TNFRSF10A: variants seen among roughly 807,000 people sequenced by gnomAD.
The protein encoded by TNFRSF10A is TNF receptor superfamily member 10a, also known as tumor necrosis factor receptor superfamily member 10A.
In TNFRSF10A, 44 loss-of-function variants were observed where a neutral mutation model predicts 42.8. The ratio of observed to expected loss-of-function variants is 1.03; its 90% CI spans 0.81 to 1.32. The LOEUF (loss-of-function observed/expected upper bound fraction) is 1.32. TNFRSF10A is among the 40% of genes most tolerant of loss of function. The pLI is 0.00. For missense variants in TNFRSF10A, 680 were observed against 602.0 expected, an observed-to-expected ratio of 1.13 and a Z score of -1.36; for synonymous variants, 259 against 234.2, an observed-to-expected ratio of 1.11 and a Z score of -0.97.
intron 2 of TNFRSF10A, among the ~76,000 whole-genome samples, chr8:23,209,896 G>A (rs1273796801): frequency 6.6e-6 from 1 of 152,180 alleles, no homozygotes; most frequent in Non-Finnish European, 1.5e-5. Context: ...ATGAGATGTG[G>A]GAGGGGCCAG....
At position 23,200,732 on chromosome 8, in the gene TNFRSF10A, C is replaced by T; in HGVS notation, c.658G>A (p.Asp220Asn). The change falls in exon 5 of 10, where the codon GAT (aspartate) becomes AAT (asparagine). Residue 220 changes from aspartate (D) to asparagine (N), a missense_variant. Transcript: ENST00000221132. Reference sequence around the variant, plus strand: ...TCGATGTCACTCCAGGGCGTACAATCCTTGACCTTGACCATCCCTCTGGGG... The same window carrying T: ...TCGATGTCACTCCAGGGCGTACAATTCTTGACCTTGACCATCCCTCTGGGG... ...GCPRGMVKVKDCTPWSDIECV... is the reference protein window; with the variant it reads ...GCPRGMVKVKNCTPWSDIECV... The T allele has an allele frequency of 6.2e-7, 1 of 1,613,746 alleles. No individual in the cohort carries two copies.
chr8:23,208,840 T>C (rs940652928), intron 2 of TNFRSF10A, among the ~76,000 whole-genome samples: 5 of 152,200 alleles, frequency 3.3e-5, no homozygotes, highest in Non-Finnish European at 5.9e-5. Context: ...AAACCCATTT[T>C]CTGAGGAGAA....
At chr8:23,199,029 A>G (rs190685004) in intron 8 of TNFRSF10A, among the ~76,000 whole-genome samples, 10 of 152,096 alleles carry the variant, frequency 6.6e-5, no homozygotes, top group African/African-American at 2.4e-4. Context: ...TGTGACCCCC[A>G]CTCTATTCCT....
chr8:23,199,508 A>G (rs1236974196), intron 7 of TNFRSF10A, 60 bp from the exon 8 acceptor site: 2 of 1,577,590 alleles, frequency 1.3e-6, no homozygotes, highest in South Asian at 1.1e-5. Flanking sequence ...CGGGGTCCGT[A>G]GGGCACGGCT....
intron 1 of TNFRSF10A, among the ~76,000 whole-genome samples, chr8:23,219,848 C>G (rs1342312476): frequency 2.0e-5 from 3 of 152,218 alleles, no homozygotes; most frequent in Non-Finnish European, 2.9e-5. Flanking sequence ...CCAACAAACT[C>G]CAATGACTTA....
At chr8:23,209,435 C>G (rs1801063007) in intron 2 of TNFRSF10A, among the ~76,000 whole-genome samples, 1 of 152,210 alleles carries the variant, frequency 6.6e-6, no homozygotes. Flanking sequence ...CACCGTGCAC[C>G]TAGAAAAGCT....
intron 1 of TNFRSF10A, among the ~76,000 whole-genome samples, chr8:23,216,666 C>A (rs1188770978): frequency 3.3e-5 from 5 of 151,224 alleles, no homozygotes; most frequent in African/African-American, 1.2e-4. Context: ...CACTTGAACC[C>A]GGGAGGCAGA....
In TNFRSF10A at chr8:23,202,612, C is replaced by G. The variant is rs757095291; in HGVS notation, c.517+36G>C. ...ACCACTCCCACCTCACTGCCCCTCA[C>G]TCCACCTCTGGACAAGAGGTCCACA... is the stretch of plus-strand genomic sequence containing the variant. On this transcript the variant is annotated intron_variant, in intron 3 of 9. Coordinates refer to ENST00000221132, the MANE Select transcript of TNFRSF10A (RefSeq NM_003844.4). 11 of 1,568,690 alleles carry G rather than the reference C, an allele frequency of 7.0e-6. No homozygotes were observed. The African/African-American group carries it at 1.5e-4, about 21-fold the overall frequency.
At chr8:23,207,287 C>A (rs1373041857) in intron 2 of TNFRSF10A, 1 of 600,940 alleles carries the variant, frequency 1.7e-6, no homozygotes, top group African/African-American at 1.8e-5. Context: ...CTGATTAGGC[C>A]TGATGGAGAG....
chr8:23,197,723 G>A (rs1800845318), intron 8 of TNFRSF10A, among the ~76,000 whole-genome samples: 1 of 152,142 alleles, frequency 6.6e-6, no homozygotes, highest in East Asian at 1.9e-4. Flanking sequence ...TAGAAAAATT[G>A]TCTTCCACAA....
chr8:23,200,324 C>G (rs11987461), intron 6 of TNFRSF10A, among the ~76,000 whole-genome samples, 181 bp downstream of exon 6: 2 of 151,982 alleles, frequency 1.3e-5, no homozygotes, highest in Non-Finnish European at 2.9e-5. Flanking sequence ...GGGAGAGGGA[C>G]GGATGACACC....
At chr8:23,207,220 A>G in intron 2 of TNFRSF10A, 1 of 598,842 alleles carries the variant, frequency 1.7e-6, no homozygotes, top group Non-Finnish European at 3.2e-6. Flanking sequence ...AACAAGCACC[A>G]GATCAAACAG....
Position 23,201,886 on chromosome 8 carries a change from C to CTGGTCG in TNFRSF10A, c.545_550dup (p.Thr182_Thr183dup). ...TGGTTTGCACTGACATGCTGTGTTC[C>CTGGTCG]TGGTCGTGGTGCAGGGACTTCTCTC... On this transcript the variant is annotated inframe_insertion, in exon 4 of 10. Transcript: ENST00000221132. 6.2e-7 allele frequency: 1 copy of CTGGTCG among 1,614,156 alleles called. No individual in the cohort carries two copies. Among genetic ancestry groups the CTGGTCG allele is most frequent in the South Asian group, 1.1e-5 (1 of 91,084 alleles).
chr8:23,210,477 C>T (rs1190732854), intron 2 of TNFRSF10A, among the ~76,000 whole-genome samples: 1 of 152,094 alleles, frequency 6.6e-6, no homozygotes, highest in African/African-American at 2.4e-5. Context: ...GTCAGGAGAT[C>T]TAGACCATCC....
At position 23,212,174 on chromosome 8, in the gene TNFRSF10A, A is replaced by G; in HGVS notation, c.345T>C (p.Asp115=). ...CCCATTGCTGTGTGCCAATTGATTG[A>G]TCATGAAGTTTGATGGTTGCAGCTG... ...PSSAATIKLH[D]QSIGTQQWEH... The change falls in exon 2 of 10, where the codon GAT becomes GAC. Residue 115 remains aspartate, a synonymous_variant. Coordinates refer to ENST00000221132, the MANE Select transcript of TNFRSF10A (RefSeq NM_003844.4). 2 of 1,613,888 alleles carry G rather than the reference A, an allele frequency of 1.2e-6. No homozygotes were observed. The highest frequency in any genetic ancestry group is 1.7e-6 in the Non-Finnish European group (2 of 1,179,822).
At chr8:23,207,085 G>T in intron 2 of TNFRSF10A, 1 of 527,446 alleles carries the variant, frequency 1.9e-6, no homozygotes, top group Admixed American at 2.2e-5. Context: ...ACTCTGGAGA[G>T]CACCCCCAGG....
chr8:23,224,317 AAAAAAG>A (rs1801300255), intron 1 of TNFRSF10A: 1 of 155,808 alleles, frequency 6.4e-6, no homozygotes, highest in Non-Finnish European at 1.4e-5. Flanking sequence ...AAAAAAAAAA[AAAAAAG>A]AAGAGAAGAA....
chr8:23,224,311 AAAAAAAAAAAAGAAG>A (rs1291663400), intron 1 of TNFRSF10A: 1 of 153,954 alleles, frequency 6.5e-6, no homozygotes, highest in Non-Finnish European at 1.4e-5. Context: ...AAAAAAAAAA[AAAAAAAAAAAAGAAG>A]AGAAGAAAAG....
At chr8:23,197,547 C>T (rs1288595363) in intron 8 of TNFRSF10A, among the ~76,000 whole-genome samples, 4 of 152,176 alleles carry the variant, frequency 2.6e-5, no homozygotes, top group Admixed American at 6.5e-5. Context: ...TCAGATAGGA[C>T]CATCTCGTTG....
Sources: allele counts gnomAD v4.1 joint callset (sites outside exome capture counted in the v4.1 genomes callset), GRCh38; gene constraint gnomAD v4.1.1; transcripts MANE v1.5; gene names NCBI Gene and HGNC (gene_info 2026-07-23, HGNC 2026-07-21).